The following CDIN1 variants were observed in gnomAD, a reference collection of about 807,000 sequenced individuals.
CDIN1 encodes CDAN1 interacting nuclease 1, also known as CDAN1-interacting nuclease 1.
A neutral mutation model predicts 45.3 loss-of-function variants in CDIN1; 33 were observed. That is an observed-to-expected ratio of 0.73 (90% confidence interval 0.55 to 0.97). CDIN1 has a LOEUF of 0.97. Ranked by LOEUF, CDIN1 falls within the 50% of genes least tolerant of loss-of-function variation. CDIN1 has a pLI of 0.00. For missense variants in CDIN1, 303 were observed against 339.4 expected (o/e 0.89, Z 0.84); for synonymous variants, 118 against 124.4 (o/e 0.95, Z 0.34).
chr15:36,803,231 G>C (rs910887152), intron 10 of CDIN1, among the ~76,000 whole-genome samples: 1 of 150,540 alleles, frequency 6.6e-6, no homozygotes, highest in Non-Finnish European at 1.5e-5. Flanking sequence ...TTTATTTTAT[G>C]TAACCTTAGC....
intron 10 of CDIN1, among the ~76,000 whole-genome samples, chr15:36,797,979 C>CAAAAAAAAAAAAAAAA (rs570630838): frequency 2.4e-4 from 13 of 55,292 alleles, no homozygotes; most frequent in African/African-American, 7.6e-4. Context: ...GACTCCATCT[C>CAAAAAAAAAAAAAAAA]AAAAAAAAAA....
intron 10 of CDIN1, among the ~76,000 whole-genome samples, chr15:36,788,725 A>G (rs760634865): frequency 6.6e-6 from 1 of 151,870 alleles, no homozygotes; most frequent in Non-Finnish European, 1.5e-5. Flanking sequence ...AATAATTATC[A>G]TTTTTTTTAT....
intron 10 of CDIN1, among the ~76,000 whole-genome samples, chr15:36,769,488 C>T (rs1397229681): frequency 1.3e-5 from 2 of 152,156 alleles, no homozygotes; most frequent in Admixed American, 6.5e-5. Flanking sequence ...GAACCCCACC[C>T]ACGTTACAGA....
chr15:36,766,230 A>C (rs1054167448), intron 10 of CDIN1, among the ~76,000 whole-genome samples: 3 of 152,172 alleles, frequency 2.0e-5, no homozygotes, highest in Non-Finnish European at 2.9e-5. Context: ...TGTATATGGC[A>C]GGATTTTTTT....
At chr15:36,716,096 GA>G (rs1224807356) in intron 10 of CDIN1, among the ~76,000 whole-genome samples, 1 of 152,138 alleles carries the variant, frequency 6.6e-6, no homozygotes, top group Non-Finnish European at 1.5e-5. Context: ...AAAGAAAACA[GA>G]TCTATAAGGG....
At chr15:36,791,039 T>G (rs960582384) in intron 10 of CDIN1, among the ~76,000 whole-genome samples, 7 of 152,204 alleles carry the variant, frequency 4.6e-5, no homozygotes, top group African/African-American at 1.4e-4. Flanking sequence ...TCTGTTGTTC[T>G]CCTCTTTGTG....
intron 7 of CDIN1, among the ~76,000 whole-genome samples, chr15:36,695,615 G>A (rs2140741365): frequency 6.6e-6 from 1 of 152,272 alleles, no homozygotes; most frequent in East Asian, 1.9e-4. Flanking sequence ...GGGAGGCTGA[G>A]ATGGGCAGAT....
At position 36,699,867 on chromosome 15, in the gene CDIN1, G is replaced by T. The variant is rs112883931; in HGVS notation, c.544+2477G>T. On this transcript the variant is annotated intron_variant, in intron 8 of 10. Transcript: ENST00000566621. ...CATTGAAGATTTGAATGTACTGATA[G>T]GAGTTCATCCTATCTTTTAAACTTA... is the stretch of plus-strand genomic sequence containing the variant. Among the ~76,000 whole-genome samples, 317 of 152,214 alleles carry T rather than the reference G, an allele frequency of 2.1e-3. 1 individual carries two copies. The highest frequency in any genetic ancestry group is 7.0e-3 in the African/African-American group (292 of 41,544).
rs930735119 is a variant in CDIN1, at chr15:36,671,562, A to G, written c.346+13657A>G. Among the ~76,000 whole-genome samples, 3 of 151,600 alleles carry G rather than the reference A, an allele frequency of 2.0e-5. No homozygotes were observed. The South Asian group carries it at 6.2e-4, about 32-fold the overall frequency. ...TTCTTTTGGCTGAATTGGGTTATCTACTTTCTAGAGACTTAGGCTCTAGTA... is the reference window on the plus strand; with the variant it reads ...TTCTTTTGGCTGAATTGGGTTATCTGCTTTCTAGAGACTTAGGCTCTAGTA... On this transcript the variant is annotated intron_variant, in intron 5 of 10. Coordinates refer to ENST00000566621, the MANE Select transcript of CDIN1 (RefSeq NM_001321759.2).
chr15:36,753,999 C>G (rs183209691), intron 10 of CDIN1, among the ~76,000 whole-genome samples: 4 of 152,268 alleles, frequency 2.6e-5, no homozygotes, highest in African/African-American at 7.2e-5. Context: ...TGATTACACT[C>G]AAGTTTGGGT....
In CDIN1 at chr15:36,742,318, T is replaced by A. The variant is rs116984647; in HGVS notation, c.716+32357T>A. Among the ~76,000 whole-genome samples, 451 of 152,338 alleles carry A rather than the reference T, an allele frequency of 3.0e-3. 7 individuals carry two copies. The highest frequency in any genetic ancestry group is 0.024 in the Admixed American group (364 of 15,296). On this transcript the variant is annotated intron_variant, in intron 10 of 10. Transcript: ENST00000566621. ...TGTAAAATGAGATACGAACCCTTAC[T>A]GTTAACATCAACATGTTCTAATGCA...
chr15:36,608,634 G>C (rs1400442742), intron 1 of CDIN1, among the ~76,000 whole-genome samples: 1 of 151,394 alleles, frequency 6.6e-6, no homozygotes, highest in African/African-American at 2.4e-5. Context: ...TTTATTTATG[G>C]TGTCCTTGAG....
At chr15:36,780,317 C>T (rs1302586478) in intron 10 of CDIN1, among the ~76,000 whole-genome samples, 2 of 152,190 alleles carry the variant, frequency 1.3e-5, no homozygotes, top group Non-Finnish European at 2.9e-5. Flanking sequence ...CTCATTGGCT[C>T]ACCAAGCTGA....
At chr15:36,803,979 C>A (rs557158214) in intron 10 of CDIN1, among the ~76,000 whole-genome samples, 1 of 152,160 alleles carries the variant, frequency 6.6e-6, no homozygotes, top group African/African-American at 2.4e-5. Flanking sequence ...GTTTAGTAAA[C>A]CGATCACTAC....
chr15:36,739,673 A>C (rs1285936433), intron 10 of CDIN1, among the ~76,000 whole-genome samples: 6 of 152,226 alleles, frequency 3.9e-5, no homozygotes, highest in African/African-American at 1.4e-4. Flanking sequence ...TCAAACTTCA[A>C]AATTAATTAT....
At chr15:36,581,376 G>C (rs2037037138) in intron 1 of CDIN1, among the ~76,000 whole-genome samples, 1 of 151,696 alleles carries the variant, frequency 6.6e-6, no homozygotes, top group Non-Finnish European at 1.5e-5. Flanking sequence ...TCTATAATAA[G>C]TAAGTGTCTG....
intron 10 of CDIN1, among the ~76,000 whole-genome samples, chr15:36,774,163 T>TGTGTGTGTGTGTGTGTGTGC (rs149222188): frequency 1.5e-3 from 216 of 143,144 alleles, no homozygotes; most frequent in African/African-American, 5.4e-3. Flanking sequence ...TGTGTGTGTG[T>TGTGTGTGTGTGTGTGTGTGC]GCGCGCGCGC....
chr15:36,639,958 A>G (rs1351143290), intron 1 of CDIN1, among the ~76,000 whole-genome samples: 1 of 152,154 alleles, frequency 6.6e-6, no homozygotes, highest in Non-Finnish European at 1.5e-5. Context: ...CTTGATATGC[A>G]GTTGGAAATT....
intron 10 of CDIN1, among the ~76,000 whole-genome samples, chr15:36,768,607 G>A (rs1396691522): frequency 6.6e-6 from 1 of 152,164 alleles, no homozygotes; most frequent in Non-Finnish European, 1.5e-5. Flanking sequence ...CCTTTACGCA[G>A]ATCCCCATCC....
Sources: gnomAD v4.1 joint callset for allele counts (sites outside exome capture counted in the v4.1 genomes callset) on GRCh38, gnomAD v4.1.1 for gene constraint, MANE v1.5 for transcripts, NCBI Gene and HGNC (gene_info 2026-07-23, HGNC 2026-07-21) for gene names.